RAPGEF2: variants seen among roughly 807,000 people sequenced by gnomAD.
The protein encoded by RAPGEF2 is PDZ domain containing guanine nucleotide exchange factor (GEF) 1.
A neutral mutation model predicts 186.7 loss-of-function variants in RAPGEF2; 54 were observed. The observed-to-expected ratio is 0.29, with a 90% confidence interval of 0.23 to 0.36. RAPGEF2 has a LOEUF of 0.36. RAPGEF2 is among the 10% of genes least tolerant of loss of function. The pLI is 1.00. For missense variants in RAPGEF2, 1,532 were observed against 2,045.0 expected, an observed-to-expected ratio of 0.75 and a Z score of 4.84; for synonymous variants, 712 against 705.9, an observed-to-expected ratio of 1.01 and a Z score of -0.14.
intron 4 of RAPGEF2, among the ~76,000 whole-genome samples, chr4:159,220,155 CAG>C (rs1751395711): frequency 6.6e-6 from 1 of 152,114 alleles, no homozygotes; most frequent in African/African-American, 2.4e-5. Flanking sequence ...ATTGGTGAAA[CAG>C]AAAATTTCAT....
Position 159,277,495 on chromosome 4 carries a change from C to T in RAPGEF2, c.544-26847C>T, listed in dbSNP as rs558123271. 7.2e-5 allele frequency among the ~76,000 whole-genome samples: 11 copies of T among 152,160 alleles called. No homozygotes were observed. The East Asian group carries it at 1.5e-3, about 21-fold the overall frequency. ...TTCTAGTTCTGGATCCCTGAGGAAT[C>T]GCCACACTGACTTCCACAATGGTTG... On this transcript the variant is annotated intron_variant, in intron 7 of 29. Transcript: ENST00000691494.
At chr4:159,351,829 T>C (rs1731218089) in intron 26 of RAPGEF2, among the ~76,000 whole-genome samples, 1 of 151,654 alleles carries the variant, frequency 6.6e-6, no homozygotes, top group Non-Finnish European at 1.5e-5. Flanking sequence ...CACATGCCTG[T>C]AATCCCAGCC....
At chr4:159,276,240 G>A (rs1218926151) in intron 7 of RAPGEF2, among the ~76,000 whole-genome samples, 1 of 152,144 alleles carries the variant, frequency 6.6e-6, no homozygotes, top group Non-Finnish European at 1.5e-5. Flanking sequence ...TCCAGTGATT[G>A]AGAATGTGAA....
intron 1 of RAPGEF2, among the ~76,000 whole-genome samples, chr4:159,124,603 T>G (rs905872529): frequency 6.6e-6 from 1 of 152,194 alleles, no homozygotes; most frequent in South Asian, 2.1e-4. Context: ...GCTGAAGATA[T>G]ATCTTTACGC....
intron 7 of RAPGEF2, among the ~76,000 whole-genome samples, chr4:159,279,473 CAAGT>C (rs1220474266): frequency 6.6e-6 from 1 of 152,138 alleles, no homozygotes; most frequent in Non-Finnish European, 1.5e-5. Context: ...GATTTTCTTT[CAAGT>C]AAGTTTCAAA....
At chr4:159,211,041 A>G (rs1750471431) in intron 4 of RAPGEF2, among the ~76,000 whole-genome samples, 1 of 152,130 alleles carries the variant, frequency 6.6e-6, no homozygotes, top group South Asian at 2.1e-4. Context: ...ATGGCCTTTC[A>G]TTTTTGCATT....
Position 159,343,200 on chromosome 4 carries a change from A to G in RAPGEF2, c.3130+10A>G. On this transcript the variant is annotated intron_variant, in intron 21 of 29. Coordinates refer to ENST00000691494, the MANE Select transcript of RAPGEF2 (RefSeq NM_001394067.2). ...ACCTTCCTTCACGAAGGTAAACATA[A>G]GGCAGAGGGTTTCCATCTTTGCTTG... 1 of 1,614,006 alleles carries G rather than the reference A, an allele frequency of 6.2e-7. No homozygotes were observed. The highest frequency in any genetic ancestry group is 8.5e-7 in the Non-Finnish European group (1 of 1,179,888).
chr4:159,231,753 G>A (rs1752669294), intron 4 of RAPGEF2, among the ~76,000 whole-genome samples: 1 of 152,026 alleles, frequency 6.6e-6, no homozygotes, highest in African/African-American at 2.4e-5. Flanking sequence ...TCCAGAGTAG[G>A]GATGCTCCAC....
intron 7 of RAPGEF2, among the ~76,000 whole-genome samples, chr4:159,287,324 A>G (rs1351117396): frequency 2.0e-5 from 3 of 150,060 alleles, no homozygotes; most frequent in African/African-American, 7.6e-5. Context: ...AAATATGGAA[A>G]TAAATATTGT....
At chr4:159,118,488 C>A (rs1443626552) in intron 1 of RAPGEF2, among the ~76,000 whole-genome samples, 2 of 151,728 alleles carry the variant, frequency 1.3e-5, no homozygotes, top group Non-Finnish European at 2.9e-5. Context: ...CATCCTGCAC[C>A]CCCCCGCCCA....
intron 7 of RAPGEF2, among the ~76,000 whole-genome samples, chr4:159,303,810 C>G (rs1225129829): frequency 6.6e-6 from 1 of 152,080 alleles, no homozygotes; most frequent in Non-Finnish European, 1.5e-5. Flanking sequence ...ATAACTTTCT[C>G]AATTCTAAGA....
In RAPGEF2 at chr4:159,342,977, A is replaced by T; in HGVS notation, c.2919-2A>T. 1 of 1,613,542 alleles carries T rather than the reference A, an allele frequency of 6.2e-7. No homozygotes were observed. The highest frequency in any genetic ancestry group is 8.5e-7 in the Non-Finnish European group (1 of 1,179,648). On this transcript the variant is annotated splice_acceptor_variant, in intron 20 of 29. Coordinates refer to ENST00000691494, the MANE Select transcript of RAPGEF2 (RefSeq NM_001394067.2). LOFTEE classifies it high-confidence loss of function. ...ATACCATGTTTCTTTTTCTCCTCTC[A>T]GTGGCCTAAACCTGGCACCAGTGGC...
chr4:159,175,807 C>T lies in RAPGEF2; in HGVS notation c.70-10835C>T, dbSNP rs374192335. On this transcript the variant is annotated intron_variant, in intron 1 of 29. Transcript: ENST00000691494. ...GATTGAAAACACATTTCCTGCATTT[C>T]TTTCTCTCCCTGTTCTCAGGGAGTG... Among the ~76,000 whole-genome samples the T allele has an allele frequency of 2.6e-5, 4 of 152,176 alleles. No individual in the cohort carries two copies. In the East Asian group the frequency reaches 7.7e-4, roughly 29 times the overall value.
intron 1 of RAPGEF2, among the ~76,000 whole-genome samples, chr4:159,174,468 G>A (rs1317661016): frequency 3.9e-5 from 6 of 152,298 alleles, no homozygotes; most frequent in African/African-American, 1.4e-4. Flanking sequence ...ATTAGAAGAC[G>A]AATGGGATAA....
intron 7 of RAPGEF2, among the ~76,000 whole-genome samples, chr4:159,250,682 T>G (rs1165423128): frequency 4.0e-5 from 6 of 150,454 alleles, no homozygotes; most frequent in African/African-American, 1.5e-4. Flanking sequence ...TTTTTTTTTT[T>G]TTTTGGGACA....
chr4:159,178,889 A>C (rs1746738867), intron 1 of RAPGEF2, among the ~76,000 whole-genome samples: 1 of 152,126 alleles, frequency 6.6e-6, no homozygotes. Flanking sequence ...GACTTTGAGC[A>C]AGAGGATTGA....
intron 3 of RAPGEF2, among the ~76,000 whole-genome samples, chr4:159,203,140 C>G (rs1234145710): frequency 1.3e-5 from 2 of 152,142 alleles, no homozygotes; most frequent in African/African-American, 4.8e-5. Context: ...GCGGCACACA[C>G]AGCTCTTTCC....
intron 3 of RAPGEF2, among the ~76,000 whole-genome samples, chr4:159,203,737 T>A (rs1402351064): frequency 6.6e-6 from 1 of 152,194 alleles, no homozygotes; most frequent in East Asian, 1.9e-4. Flanking sequence ...AGGTTGGTCC[T>A]TTCAGAGACG....
At chr4:159,282,586 G>C in intron 7 of RAPGEF2, 1 of 443,964 alleles carries the variant, frequency 2.3e-6, no homozygotes, top group Non-Finnish European at 4.5e-6. Context: ...TATACACCAA[G>C]TCTTAATTTA....
Sources: allele counts gnomAD v4.1 joint callset (sites outside exome capture counted in the v4.1 genomes callset), GRCh38; gene constraint gnomAD v4.1.1; transcripts MANE v1.5; gene names NCBI Gene and HGNC (gene_info 2026-07-23, HGNC 2026-07-21).